The following ASH1L variants were observed in gnomAD, a reference collection of about 807,000 sequenced individuals.
ASH1L encodes the protein ASH1 like histone lysine methyltransferase.
In ASH1L, 23 loss-of-function variants were observed where a neutral mutation model predicts 269.0. The ratio of observed to expected loss-of-function variants is 0.09; its 90% CI spans 0.06 to 0.12. ASH1L has a LOEUF of 0.12. ASH1L is among the 10% of genes least tolerant of loss of function. The pLI is 1.00. For synonymous variants in ASH1L, 1,187 were observed against 1,253.5 expected, an observed-to-expected ratio of 0.95 and a Z score of 1.12; for missense variants, 2,912 against 3,567.8, an observed-to-expected ratio of 0.82 and a Z score of 4.68.
In ASH1L at chr1:155,344,193, C is replaced by A; in HGVS notation, c.7971G>T (p.Leu2657=). 1 of 1,614,090 alleles carries A rather than the reference C, an allele frequency of 6.2e-7. No homozygotes were observed. The highest frequency in any genetic ancestry group is 8.5e-7 in the Non-Finnish European group (1 of 1,179,992). Residue 2657 remains leucine, a synonymous_variant, in exon 22 of 28, where the codon CTG becomes CTT. Coordinates refer to ENST00000392403, the MANE Select transcript of ASH1L (RefSeq NM_018489.3). ...CTCCTGTATACATACCCTGACGAAG[C>A]AGCAAGTCATCTCGGAGCAAACAGA... ...YFICLLRDDL[L]LRQGDCVYLM...
intron 6 of ASH1L, among the ~76,000 whole-genome samples, chr1:155,403,053 C>T (rs567365625): frequency 2.2e-4 from 34 of 151,422 alleles, no homozygotes; most frequent in Non-Finnish European, 3.5e-4. Context: ...GGTGTGGTAG[C>T]GCACGCCTGT....
At chr1:155,562,938 C>T (rs1159628196), upstream of ASH1L, 1 of 456,910 alleles carries the variant, frequency 2.2e-6, no homozygotes, top group East Asian at 6.9e-5. Context: ...GTGCGCCTCC[C>T]ACAATCCCCC....
In ASH1L at chr1:155,349,451, T is replaced by A. The variant is rs1167682897; in HGVS notation, c.7430A>T (p.Asp2477Val). ...LNLPPKKKNA[D>V]YYEKISDPLD... ...GGGATCAGAGATCTTCTCATAATAA[T>A]CAGCATTCCTGGAACACAAAGCCAG... The change falls in exon 19 of 28, where the codon GAT (aspartate) becomes GTT (valine). Residue 2477 changes from aspartate to valine, a missense_variant. Physicochemically the swap from Asp to Val is radical, Grantham distance 152. Transcript: ENST00000392403. The A allele has an allele frequency of 6.2e-7, 1 of 1,614,148 alleles. No individual in the cohort carries two copies. Among genetic ancestry groups the A allele is most frequent in the Non-Finnish European group, 8.5e-7 (1 of 1,180,028 alleles).
At chr1:155,490,189 C>T (rs1196480233) in intron 2 of ASH1L, among the ~76,000 whole-genome samples, 1 of 151,898 alleles carries the variant, frequency 6.6e-6, no homozygotes, top group Non-Finnish European at 1.5e-5. Context: ...TGGTCTCGAT[C>T]TCCTGACCTT....
At chr1:155,344,311 T>TG in intron 21 of ASH1L, 38 bp from the exon 22 acceptor site, 3 of 1,452,524 alleles carry the variant, frequency 2.1e-6, no homozygotes, top group Non-Finnish European at 2.9e-6. Flanking sequence ...AGGGCTGGAA[T>TG]TACTACATTC....
In ASH1L at chr1:155,480,854, G is replaced by A. The variant is rs759590444; in HGVS notation, c.2016C>T (p.Phe672=). 2.3e-5 allele frequency: 37 copies of A among 1,613,774 alleles called. No individual in the cohort carries two copies. Among genetic ancestry groups the A allele is most frequent in the Non-Finnish European group, 3.1e-5 (36 of 1,179,912 alleles). ...IHTITPSVVN[F]TSLFSNKPFL... ...AAGGCTTATTACTAAATAAACTAGT[G>A]AAGTTAACAACTGAAGGAGTAATAG... The change falls in exon 3 of 28, where the codon TTC becomes TTT. Residue 672 remains phenylalanine, a synonymous_variant. Coordinates refer to ENST00000392403, the MANE Select transcript of ASH1L (RefSeq NM_018489.3).
At chr1:155,542,710 C>T (rs1670518208) in intron 1 of ASH1L, among the ~76,000 whole-genome samples, 1 of 143,880 alleles carries the variant, frequency 7.0e-6, no homozygotes, top group Non-Finnish European at 1.5e-5. Context: ...GAAGGAGTCT[C>T]ATTCTGTCAC....
intron 4 of ASH1L, among the ~76,000 whole-genome samples, chr1:155,455,357 G>A (rs1663799722): frequency 6.6e-6 from 1 of 152,068 alleles, no homozygotes. Flanking sequence ...GCATAATAAA[G>A]ACTACAGATT....
At chr1:155,391,251 T>C (rs1316562867) in intron 7 of ASH1L, among the ~76,000 whole-genome samples, 2 of 152,144 alleles carry the variant, frequency 1.3e-5, no homozygotes, top group African/African-American at 4.8e-5. Context: ...TGGCTGACAA[T>C]TTATATTCAT....
rs769611609 is a variant in ASH1L, at chr1:155,478,999, G to T, written c.3871C>A (p.Leu1291Met). ...CTTAGGCGACTTATTAGTTCCTCCA[G>T]CTCTGCAATAAAGTCTGGATCCTGT... ...NRQDPDFIAE[L>M]EELISRLSEI... is the part of the protein sequence containing the mutation. The change falls in exon 3 of 28, where the codon CTG (leucine) becomes ATG (methionine). Residue 1291 changes from leucine to methionine, a missense_variant. Coordinates refer to ENST00000392403, the MANE Select transcript of ASH1L (RefSeq NM_018489.3). This position sits in a 1 kb window ranked among gnomAD's most constrained non-coding sequence, Gnocchi z 4.6. The T allele has an allele frequency of 6.2e-7, 1 of 1,613,618 alleles. No homozygotes were observed. Among genetic ancestry groups the T allele is most frequent in the Non-Finnish European group, 8.5e-7 (1 of 1,180,026 alleles).
In ASH1L at chr1:155,380,110, T is replaced by C. The variant is rs1571050553; in HGVS notation, c.6110A>G (p.Tyr2037Cys). The change falls in exon 8 of 28, where the codon TAT (tyrosine) becomes TGT (cysteine). Residue 2037 changes from tyrosine (Y) to cysteine (C), a missense_variant. Tyr to Cys is a radical substitution (Grantham distance 194, BLOSUM62 -2). Coordinates refer to ENST00000392403, the MANE Select transcript of ASH1L (RefSeq NM_018489.3). ...GAAGTCAATTCTCTTTTGTCTTAGA[T>C]ACTTTCCTGAAACAAAAAACACTAT... Reference protein sequence around the residue: ...LFPAPIHVGKYLRQKRIDFQL... With the variant: ...LFPAPIHVGKCLRQKRIDFQL... The C allele has an allele frequency of 2.5e-6, 4 of 1,611,804 alleles. No homozygotes were observed. The highest frequency in any genetic ancestry group is 1.7e-5 in the Admixed American group (1 of 59,968).
chr1:155,549,515 C>T (rs1671053174), intron 1 of ASH1L, among the ~76,000 whole-genome samples: 1 of 151,316 alleles, frequency 6.6e-6, no homozygotes, highest in Non-Finnish European at 1.5e-5. Context: ...ATCCCTGCTA[C>T]TTGGGAGGCT....
chr1:155,337,794 T>C lies in ASH1L; in HGVS notation c.8804-43A>G, dbSNP rs757962210. On this transcript the variant is annotated intron_variant, in intron 27 of 27. Coordinates refer to ENST00000392403, the MANE Select transcript of ASH1L (RefSeq NM_018489.3). ...GAGGCTCATCAAAATACCAATCTCCTACTCCTTATTCCAGATTTGAGCTCT... is the reference window on the plus strand; with the variant it reads ...GAGGCTCATCAAAATACCAATCTCCCACTCCTTATTCCAGATTTGAGCTCT... 2.6e-6 allele frequency: 4 copies of C among 1,528,396 alleles called. No homozygotes were observed. The Admixed American group carries it at 6.7e-5, about 26-fold the overall frequency. 94.7% of individuals were successfully genotyped at this position (1,528,396 alleles called of 1,614,324 possible).
chr1:155,357,634 G>A lies in ASH1L; in HGVS notation c.6911C>T (p.Ser2304Phe), dbSNP rs774024798. The change falls in exon 14 of 28, where the codon TCT (serine) becomes TTT (phenylalanine). Residue 2304 changes from serine (S) to phenylalanine (F), a missense_variant. Transcript: ENST00000392403. ...NSQPMATHKK[S>F]GRSKEKRKSK... Reference sequence around the variant, plus strand: ...CTTTCTCTTCTCTTTTGACCGTCCAGATTTTTTGTGTGTGGCCATGGGCTG... The same window carrying A: ...CTTTCTCTTCTCTTTTGACCGTCCAAATTTTTTGTGTGTGGCCATGGGCTG... 1.2e-6 allele frequency: 2 copies of A among 1,614,078 alleles called. No homozygotes were observed. The highest frequency in any genetic ancestry group is 1.7e-6 in the Non-Finnish European group (2 of 1,180,020).
At chr1:155,423,931 C>T (rs1187867623) in intron 5 of ASH1L, among the ~76,000 whole-genome samples, 3 of 151,972 alleles carry the variant, frequency 2.0e-5, no homozygotes, top group Admixed American at 1.3e-4. Context: ...TTCACCATGT[C>T]GGCCAGGCTG....
chr1:155,506,097 T>C (rs1667801347), intron 2 of ASH1L, among the ~76,000 whole-genome samples: 1 of 152,246 alleles, frequency 6.6e-6, no homozygotes. Context: ...TGTTTGGTTT[T>C]CTGCCCTTGC....
chr1:155,534,092 T>C (rs184357191), intron 1 of ASH1L, among the ~76,000 whole-genome samples: 41 of 150,978 alleles, frequency 2.7e-4, no homozygotes, highest in African/African-American at 9.7e-4. Context: ...TCCCAGCTGC[T>C]TGAGCCCAGA....
chr1:155,541,563 T>A (rs950858612), intron 1 of ASH1L, among the ~76,000 whole-genome samples: 1 of 152,138 alleles, frequency 6.6e-6, no homozygotes, highest in Non-Finnish European at 1.5e-5. Context: ...ATATAAACTA[T>A]ACTTACAAAG....
chr1:155,461,619 G>A lies in ASH1L; in HGVS notation c.4985-1721C>T, dbSNP rs186504925. Among the ~76,000 whole-genome samples the A allele has an allele frequency of 5.4e-4, 82 of 152,074 alleles. 1 individual carries two copies. The highest frequency in any genetic ancestry group is 9.0e-4 in the Non-Finnish European group (61 of 67,998). On this transcript the variant is annotated intron_variant, in intron 3 of 27. Coordinates refer to ENST00000392403, the MANE Select transcript of ASH1L (RefSeq NM_018489.3). Reference sequence around the variant, plus strand: ...AACATCTAAGAAATAAAAAGCCCAGGCATCAGAGAAGACATAACTTTAAGT... The same window carrying A: ...AACATCTAAGAAATAAAAAGCCCAGACATCAGAGAAGACATAACTTTAAGT...
Sources: allele counts gnomAD v4.1 joint callset (sites outside exome capture counted in the v4.1 genomes callset), GRCh38; gene constraint gnomAD v4.1.1; non-coding constraint Gnocchi (gnomAD v3.1); transcripts MANE v1.5; gene names NCBI Gene and HGNC (gene_info 2026-07-23, HGNC 2026-07-21).